Variants in TFDP2 observed in about 807,000 individuals in gnomAD.
TFDP2 encodes transcription factor Dp-2.
Under a neutral mutation model 59.3 loss-of-function variants are expected in TFDP2, and 17 were observed. That is an observed-to-expected ratio of 0.29 (90% CI 0.20 to 0.43). The LOEUF (loss-of-function observed/expected upper bound fraction) is 0.43. TFDP2 is among the 20% of genes least tolerant of loss of function. The probability of loss-of-function intolerance (pLI) is 1.00; values close to 1 mark genes in which losing one functional copy is unlikely to be tolerated. For synonymous variants in TFDP2, 180 were observed against 194.7 expected (o/e 0.92, Z 0.63); for missense variants, 391 against 528.8 (o/e 0.74, Z 2.56).
chr3:141,997,087 G>A (rs1271537505), intron 4 of TFDP2, among the ~76,000 whole-genome samples: 1 of 152,098 alleles, frequency 6.6e-6, no homozygotes, highest in Non-Finnish European at 1.5e-5. Context: ...CCCACTTTCA[G>A]TGCATCCCCC....
chr3:142,092,887 C>A (rs2061044116), intron 3 of TFDP2, 174 bp downstream of exon 3: 2 of 444,794 alleles, frequency 4.5e-6, no homozygotes, highest in Non-Finnish European at 7.8e-6. Flanking sequence ...ACACAAAAAT[C>A]CTCCGTCTGT....
intron 1 of TFDP2, among the ~76,000 whole-genome samples, chr3:142,109,179 G>T (rs973945645): frequency 2.6e-5 from 4 of 152,090 alleles, no homozygotes; most frequent in Admixed American, 2.6e-4. Context: ...TGAAGCTCAA[G>T]AAATATTTGT....
Position 141,950,905 on chromosome 3 carries a change from A to C in TFDP2, c.*1608T>G, listed in dbSNP as rs1935873997. ...TATGGCTTATTTCTGACAGAATGAA[A>C]CTTTTGTATCAAAGGAGCTTCAGCT... On this transcript the variant is annotated 3_prime_UTR_variant, in exon 13 of 13. Coordinates refer to ENST00000489671, the MANE Select transcript of TFDP2 (RefSeq NM_001178139.2). The C allele has an allele frequency of 1.3e-5, 2 of 152,174 alleles. No individual in the cohort carries two copies. The highest frequency in any genetic ancestry group is 6.5e-5 in the Admixed American group (1 of 15,280). The allele number at this position is 152,174 out of a possible 1,614,324, so 9.4% of individuals were successfully genotyped here.
intron 3 of TFDP2, among the ~76,000 whole-genome samples, chr3:142,054,535 T>A (rs781167304): frequency 1.3e-5 from 2 of 152,200 alleles, no homozygotes; most frequent in African/African-American, 2.4e-5. Context: ...CCCTCTGCTA[T>A]AGGGGTTACC....
intron 3 of TFDP2, among the ~76,000 whole-genome samples, chr3:142,015,885 G>A (rs1203153685): frequency 2.0e-5 from 3 of 152,152 alleles, no homozygotes; most frequent in African/African-American, 4.8e-5. Context: ...TGAAAATGTA[G>A]CATCTAAACT....
intron 4 of TFDP2, among the ~76,000 whole-genome samples, chr3:141,995,964 T>C (rs1943240502): frequency 6.6e-6 from 1 of 151,478 alleles, no homozygotes; most frequent in Non-Finnish European, 1.5e-5. Context: ...TAAAACATTC[T>C]ACCATGTGGA....
At chr3:142,036,090 A>C (rs534229451) in intron 3 of TFDP2, among the ~76,000 whole-genome samples, 10 of 152,334 alleles carry the variant, frequency 6.6e-5, no homozygotes, top group Non-Finnish European at 1.3e-4. Flanking sequence ...ATACTAGTCC[A>C]TTTGTGCCAA....
intron 2 of TFDP2, among the ~76,000 whole-genome samples, chr3:142,097,923 C>A: frequency 6.6e-6 from 1 of 152,074 alleles, no homozygotes; most frequent in East Asian, 1.9e-4. Context: ...GCCCAAGTAG[C>A]TGGGATTACA....
rs374040217 is a variant in TFDP2 at position 142,016,875 on chromosome 3, G to T, written c.83-11331C>A. ...CAGTTAGCTTGAGTCCTTAATGAGG[G>T]TTTACAAAGCCCTATATCATCTGCA... On this transcript the variant is annotated intron_variant, in intron 3 of 12. Coordinates refer to ENST00000489671, the MANE Select transcript of TFDP2 (RefSeq NM_001178139.2). Among the ~76,000 whole-genome samples the T allele has an allele frequency of 8.5e-5, 13 of 152,202 alleles. No individual in the cohort carries two copies. The East Asian group carries it at 2.3e-3, about 27-fold the overall frequency.
At chr3:142,038,438 G>T (rs372207255) in intron 3 of TFDP2, among the ~76,000 whole-genome samples, 90 of 139,226 alleles carry the variant, frequency 6.5e-4, no homozygotes, top group African/African-American at 2.4e-3. Context: ...TAGATGAGAA[G>T]AATTAAATAG....
At chr3:142,073,468 C>CG (rs1452864093) in intron 3 of TFDP2, among the ~76,000 whole-genome samples, 1 of 71,768 alleles carries the variant, frequency 1.4e-5, no homozygotes, top group Non-Finnish European at 2.8e-5. Context: ...CCCCCCCCCC[C>CG]CCGCAAAAAA....
chr3:141,964,147 T>C (rs971068972), intron 9 of TFDP2, among the ~76,000 whole-genome samples, 184 bp from the exon 10 acceptor site: 6 of 152,048 alleles, frequency 3.9e-5, no homozygotes, highest in African/African-American at 1.4e-4. Context: ...AATAAATACA[T>C]TTTTCCATCA....
At chr3:142,070,855 T>A (rs2060222915) in intron 3 of TFDP2, among the ~76,000 whole-genome samples, 2 of 152,224 alleles carry the variant, frequency 1.3e-5, no homozygotes, top group Non-Finnish European at 2.9e-5. Flanking sequence ...TTATTTTTAA[T>A]CTTCTTTCCA....
At chr3:142,105,810 G>A (rs2061451399) in intron 1 of TFDP2, among the ~76,000 whole-genome samples, 1 of 152,068 alleles carries the variant, frequency 6.6e-6, no homozygotes, top group African/African-American at 2.4e-5. Context: ...TAAAGCCAAA[G>A]CGCATGGATT....
intron 1 of TFDP2, among the ~76,000 whole-genome samples, chr3:142,146,457 G>A (rs936447057): frequency 2.6e-5 from 4 of 152,204 alleles, no homozygotes; most frequent in Middle Eastern, 3.4e-3. Context: ...TTAGAGATGA[G>A]GAGACTTAGG....
rs376003542 is a variant in TFDP2, at chr3:141,949,495, A to C, written c.*3018T>G. 2 of 152,576 alleles carry C rather than the reference A, an allele frequency of 1.3e-5. No individual in the cohort carries two copies. Among genetic ancestry groups the C allele is most frequent in the African/African-American group, 4.8e-5 (2 of 41,472 alleles). 9.5% of individuals were successfully genotyped at this position (152,576 alleles called of 1,614,324 possible). A position where few individuals can be genotyped will look rare whatever the true frequency, so the allele number is the denominator to read the frequency against. On this transcript the variant is annotated 3_prime_UTR_variant, in exon 13 of 13. Transcript: ENST00000489671. ...AGGACACAGACTGACAGCGGGGAAG[A>C]GGAAGGCAGCCTAGTAGGCACCTGG...
intron 3 of TFDP2, among the ~76,000 whole-genome samples, chr3:142,032,552 C>G (rs1946486717): frequency 6.6e-6 from 1 of 152,196 alleles, no homozygotes; most frequent in South Asian, 2.1e-4. Context: ...CTGGCTTTTT[C>G]TGTTCTGCTG....
chr3:141,966,972 A>G (rs1163432226), intron 9 of TFDP2, among the ~76,000 whole-genome samples: 1 of 147,782 alleles, frequency 6.8e-6, no homozygotes, highest in African/African-American at 2.6e-5. Flanking sequence ...GCTGGAGTGC[A>G]GTGGTGCAAT....
intron 1 of TFDP2, among the ~76,000 whole-genome samples, chr3:142,134,348 C>CAAA (rs71878913): frequency 1.9e-4 from 24 of 126,594 alleles, no homozygotes; most frequent in African/African-American, 5.7e-4. Flanking sequence ...GACCCCATCT[C>CAAA]AAAAAAAAAA....
Sources: gnomAD v4.1 joint callset for allele counts (sites outside exome capture counted in the v4.1 genomes callset) on GRCh38, gnomAD v4.1.1 for gene constraint, MANE v1.5 for transcripts, NCBI Gene and HGNC (gene_info 2026-07-23, HGNC 2026-07-21) for gene names.